The following SPTLC2 variants were observed in gnomAD, a reference collection of about 807,000 sequenced individuals.
SPTLC2 encodes serine palmitoyltransferase long chain base subunit 2.
In SPTLC2, 21 loss-of-function variants were observed where a neutral mutation model predicts 62.0. The ratio of observed to expected loss-of-function variants is 0.34; its 90% CI spans 0.24 to 0.49. The LOEUF is 0.49. Ranked by LOEUF, SPTLC2 falls within the 20% of genes least tolerant of loss-of-function variation. The probability of loss-of-function intolerance (pLI) is 0.99; values close to 1 mark genes in which losing one functional copy is unlikely to be tolerated. For missense variants in SPTLC2, 511 were observed against 713.0 expected, an observed-to-expected ratio of 0.72 and a Z score of 3.23; for synonymous variants, 261 against 261.8, an observed-to-expected ratio of 1.00 and a Z score of 0.03.
chr14:77,526,919 C>T lies in SPTLC2; in HGVS notation c.1304-5338G>A, dbSNP rs563164164. Among the ~76,000 whole-genome samples the T allele has an allele frequency of 1.4e-4, 21 of 150,572 alleles. No homozygotes were observed. In the South Asian group the frequency reaches 4.2e-3, roughly 30 times the overall value. ...ACGCCATTCTCCTGCCTCAGACTCC[C>T]GAGTAGCTGGGACTGCAGCAACCCG... On this transcript the variant is annotated intron_variant, in intron 9 of 11. Coordinates refer to ENST00000216484, the MANE Select transcript of SPTLC2 (RefSeq NM_004863.4).
intron 5 of SPTLC2, among the ~76,000 whole-genome samples, chr14:77,567,484 T>A (rs921462476): frequency 6.6e-6 from 1 of 152,268 alleles, no homozygotes; most frequent in African/African-American, 2.4e-5. Context: ...ATTTATGTCT[T>A]ACAAGGAATT....
chr14:77,582,733 GT>G (rs1343523362), intron 2 of SPTLC2, among the ~76,000 whole-genome samples: 4 of 152,200 alleles, frequency 2.6e-5, no homozygotes, highest in Admixed American at 6.5e-5. Context: ...TTAAGTCACA[GT>G]AGCACAGGGT....
At chr14:77,563,706 G>A (rs1174523329) in intron 5 of SPTLC2, among the ~76,000 whole-genome samples, 1 of 152,154 alleles carries the variant, frequency 6.6e-6, no homozygotes. Flanking sequence ...GATTACAGGT[G>A]TGAGACACTG....
intron 7 of SPTLC2, 86 bp downstream of exon 7, chr14:77,556,955 G>T: frequency 1.9e-6 from 2 of 1,047,896 alleles, no homozygotes; most frequent in Non-Finnish European, 3.0e-6. Flanking sequence ...TTCCAGAGGG[G>T]GATAGACTAA....
chr14:77,585,228 CA>C (rs1311073428), intron 2 of SPTLC2, among the ~76,000 whole-genome samples: 2 of 152,194 alleles, frequency 1.3e-5, no homozygotes, highest in African/African-American at 4.8e-5. Context: ...ACGATTTCAA[CA>C]ACGTGGTCAT....
At chr14:77,572,239 A>C (rs1341685697) in intron 4 of SPTLC2, among the ~76,000 whole-genome samples, 1 of 150,668 alleles carries the variant, frequency 6.6e-6, no homozygotes, top group Non-Finnish European at 1.5e-5. Flanking sequence ...AGGCAGGGGG[A>C]AATAAAAATG....
chr14:77,579,168 T>A (rs2079733914), intron 2 of SPTLC2, 59 bp from the exon 3 acceptor site: 2 of 1,563,084 alleles, frequency 1.3e-6, no homozygotes, highest in Non-Finnish European at 1.8e-6. Context: ...AAAAAATTTT[T>A]TAACAGATGA....
intron 4 of SPTLC2, among the ~76,000 whole-genome samples, chr14:77,574,104 T>C (rs371862262): frequency 6.6e-6 from 1 of 152,282 alleles, no homozygotes; most frequent in African/African-American, 2.4e-5. Context: ...ACCCACAGAA[T>C]TATGAGACTA....
chr14:77,519,222 T>C (rs1317676609), intron 10 of SPTLC2, among the ~76,000 whole-genome samples: 1 of 152,072 alleles, frequency 6.6e-6, no homozygotes, highest in African/African-American at 2.4e-5. Context: ...GTATTTTTAG[T>C]AGAGACGGGG....
intron 9 of SPTLC2, among the ~76,000 whole-genome samples, chr14:77,543,321 A>C (rs1037865505): frequency 2.6e-5 from 4 of 152,046 alleles, no homozygotes; most frequent in Non-Finnish European, 5.9e-5. Flanking sequence ...AGAAAGTCTT[A>C]ATGGACCATT....
At chr14:77,535,294 T>C (rs187944574) in intron 9 of SPTLC2, among the ~76,000 whole-genome samples, 19 of 152,236 alleles carry the variant, frequency 1.2e-4, no homozygotes, top group Admixed American at 7.2e-4. Context: ...GCAAGAAATA[T>C]GGAACAGCGA....
chr14:77,615,758 C>T (rs1163990457), intron 1 of SPTLC2, among the ~76,000 whole-genome samples: 1 of 152,220 alleles, frequency 6.6e-6, no homozygotes, highest in Non-Finnish European at 1.5e-5. Context: ...CCAGGCTAAA[C>T]AATCCCCTTG....
chr14:77,551,160 G>A (rs757546345), intron 9 of SPTLC2, among the ~76,000 whole-genome samples: 10 of 152,046 alleles, frequency 6.6e-5, no homozygotes, highest in South Asian at 2.1e-4. Flanking sequence ...TTGGGAGCCC[G>A]AGGAGGGCGG....
chr14:77,594,553 G>T (rs1334913226), intron 2 of SPTLC2, among the ~76,000 whole-genome samples: 2 of 152,148 alleles, frequency 1.3e-5, no homozygotes, highest in African/African-American at 4.8e-5. Flanking sequence ...TTGAGCACAG[G>T]AGTTTGAGAC....
chr14:77,519,376 C>T (rs889444168), intron 10 of SPTLC2, among the ~76,000 whole-genome samples: 1 of 152,092 alleles, frequency 6.6e-6, no homozygotes, highest in African/African-American at 2.4e-5. Flanking sequence ...ATTGACCTCC[C>T]TTATGTTTCA....
intron 4 of SPTLC2, among the ~76,000 whole-genome samples, chr14:77,571,816 A>T (rs1379218582): frequency 1.3e-5 from 2 of 152,020 alleles, no homozygotes; most frequent in African/African-American, 4.8e-5. Flanking sequence ...TGAGAGAGAG[A>T]GTCTCGCACT....
Position 77,512,111 on chromosome 14 carries a change from A to G in SPTLC2, c.*173T>C, listed in dbSNP as rs2079335084. ...ATTTAGCAAAGGAAGGATTAGAAGC[A>G]GTTTTTTACTATTTACAAAATGTCA... On this transcript the variant is annotated 3_prime_UTR_variant, in exon 12 of 12. Coordinates refer to ENST00000216484, the MANE Select transcript of SPTLC2 (RefSeq NM_004863.4). The G allele has an allele frequency of 1.3e-6, 1 of 796,776 alleles. No homozygotes were observed. Among genetic ancestry groups the G allele is most frequent in the Admixed American group, 2.7e-5 (1 of 37,452 alleles). 49.4% of individuals were successfully genotyped at this position (796,776 alleles called of 1,614,324 possible).
At chr14:77,572,870 C>T (rs930407704) in intron 4 of SPTLC2, among the ~76,000 whole-genome samples, 2 of 152,104 alleles carry the variant, frequency 1.3e-5, no homozygotes, top group Admixed American at 6.6e-5. Context: ...AGAATTGAAG[C>T]GATTAGGATC....
At chr14:77,563,449 A>T (rs763304980) in intron 5 of SPTLC2, among the ~76,000 whole-genome samples, 21 of 152,086 alleles carry the variant, frequency 1.4e-4, no homozygotes, top group Admixed American at 2.6e-4. Flanking sequence ...TGTGTGTGTG[A>T]GATGGAGTCT....
Sources: gnomAD v4.1 joint callset for allele counts (sites outside exome capture counted in the v4.1 genomes callset) on GRCh38, gnomAD v4.1.1 for gene constraint, MANE v1.5 for transcripts, NCBI Gene and HGNC (gene_info 2026-07-23, HGNC 2026-07-21) for gene names.